Variants in PRPF6 observed in about 807,000 individuals in gnomAD.
The protein encoded by PRPF6 is pre-mRNA processing factor 6, also known as pre-mRNA-processing factor 6.
PRPF6 carries 42 observed loss-of-function variants against 118.3 expected under a neutral mutation model. That is an observed-to-expected ratio of 0.35 (90% CI 0.28 to 0.46). The LOEUF (loss-of-function observed/expected upper bound fraction) is 0.46. Ranked by LOEUF, PRPF6 falls within the 20% of genes least tolerant of loss-of-function variation. The pLI is 1.00. For missense variants in PRPF6, 662 were observed against 1,255.7 expected (o/e 0.53, Z 7.15); for synonymous variants, 481 against 485.1 (o/e 0.99, Z 0.11).
chr20:64,023,796 C>T (rs1411569104), intron 13 of PRPF6, among the ~76,000 whole-genome samples: 1 of 152,142 alleles, frequency 6.6e-6, no homozygotes, highest in Non-Finnish European at 1.5e-5. Flanking sequence ...TCTCTCGGCC[C>T]GTGACCTGAA....
chr20:64,009,279 C>CA (rs59045216), intron 9 of PRPF6, among the ~76,000 whole-genome samples: 2,203 of 37,572 alleles, frequency 0.059, 82 homozygotes, highest in African/African-American at 0.081. Flanking sequence ...GACTCCATCG[C>CA]AAAAAAAAAA....
chr20:64,028,825 A>G lies in PRPF6; in HGVS notation c.2431+256A>G, dbSNP rs2059302886. On this transcript the variant is annotated intron_variant, in intron 18 of 20. Transcript: ENST00000266079. The surrounding 1 kb of genome is among the most constrained non-coding windows in gnomAD (Gnocchi z 6.5). ...CTTGGCCTCAAAATGGGAGAATTTG[A>G]TTTCATTTCTGAAGTGTTATCATTT... is the stretch of plus-strand genomic sequence containing the variant. Among the ~76,000 whole-genome samples, 1 of 152,204 alleles carries G rather than the reference A, an allele frequency of 6.6e-6. No individual in the cohort carries two copies. Among genetic ancestry groups the G allele is most frequent in the Non-Finnish European group, 1.5e-5 (1 of 68,028 alleles).
chr20:64,029,826 C>G lies in PRPF6; in HGVS notation c.2546+335C>G. 6.8e-6 allele frequency among the ~76,000 whole-genome samples: 1 copy of G among 147,158 alleles called. No individual in the cohort carries two copies. The highest frequency in any genetic ancestry group is 1.5e-5 in the Non-Finnish European group (1 of 65,878). On this transcript the variant is annotated intron_variant, in intron 19 of 20. Coordinates refer to ENST00000266079, the MANE Select transcript of PRPF6 (RefSeq NM_012469.4). This position sits in a 1 kb window ranked among gnomAD's most constrained non-coding sequence, Gnocchi z 4.8. ...TCACCGGGGACGCATGTGATTCACA[C>G]TGGTGCTCTGGTCGCCGGGTCAGAG...
At chr20:63,986,302 A>G (rs817358) in intron 3 of PRPF6, among the ~76,000 whole-genome samples, 75,053 of 143,580 alleles carry the variant, frequency 0.52, 20,500 homozygotes, top group African/African-American at 0.61. Context: ...CCGAGGTCAC[A>G]ACACTGCACT....
Position 64,028,909 on chromosome 20 carries a change from T to A in PRPF6, c.2431+340T>A, listed in dbSNP as rs1220825164. 6.6e-6 allele frequency among the ~76,000 whole-genome samples: 1 copy of A among 152,182 alleles called. No homozygotes were observed. Among genetic ancestry groups the A allele is most frequent in the Non-Finnish European group, 1.5e-5 (1 of 68,038 alleles). On this transcript the variant is annotated intron_variant, in intron 18 of 20. Transcript: ENST00000266079. This position sits in a 1 kb window ranked among gnomAD's most constrained non-coding sequence, Gnocchi z 6.5. Reference sequence around the variant, plus strand: ...GGTGTGGTGGCTCATGCCTGTAATCTCAGCACTTTGAGAGACTGAGGCGGG... The same window carrying A: ...GGTGTGGTGGCTCATGCCTGTAATCACAGCACTTTGAGAGACTGAGGCGGG...
intron 8 of PRPF6, 54 bp downstream of exon 8, chr20:63,999,813 A>G (rs2059158583): frequency 1.3e-6 from 2 of 1,594,762 alleles, no homozygotes; most frequent in African/African-American, 2.7e-5. Flanking sequence ...TGTGGCCCCT[A>G]CGGGAGTAAA....
intron 13 of PRPF6, among the ~76,000 whole-genome samples, chr20:64,023,185 C>T (rs910026737): frequency 2.0e-5 from 3 of 152,244 alleles, no homozygotes; most frequent in African/African-American, 7.2e-5. Context: ...CTGGAGCCCG[C>T]GTGGCCCATG....
intron 19 of PRPF6, among the ~76,000 whole-genome samples, chr20:64,030,011 A>T (rs1288080317): frequency 6.6e-6 from 1 of 152,140 alleles, no homozygotes; most frequent in East Asian, 1.9e-4. Context: ...TGGGTCAGAG[A>T]CTCACTGGGG....
chr20:63,986,610 T>C (rs2059094682), intron 3 of PRPF6, among the ~76,000 whole-genome samples: 1 of 149,656 alleles, frequency 6.7e-6, no homozygotes, highest in Non-Finnish European at 1.5e-5. Flanking sequence ...TGCCTCAGCC[T>C]CCTGAGTAGC....
chr20:64,032,704 A>G, intron 20 of PRPF6, 137 bp from the exon 21 acceptor site: 2 of 1,119,370 alleles, frequency 1.8e-6, no homozygotes, highest in Non-Finnish European at 2.6e-6. Context: ...CTTCCGGTGC[A>G]GGGCCTGTGC....
intron 9 of PRPF6, 35 bp downstream of exon 9, chr20:64,001,274 C>T: frequency 6.2e-7 from 1 of 1,612,452 alleles, no homozygotes. Flanking sequence ...TTTCTCCCTC[C>T]TTGGGGCCCC....
In PRPF6 at chr20:64,028,686, G is replaced by C; in HGVS notation, c.2431+117G>C. On this transcript the variant is annotated intron_variant, in intron 18 of 20. Transcript: ENST00000266079. The surrounding 1 kb of genome is among the most constrained non-coding windows in gnomAD (Gnocchi z 6.5). ...AGACTCCGCAGGGCTGGCACTTCCT[G>C]AGGGAGTGGGGGCTCAGGCTTCAGA... 2.8e-6 allele frequency: 3 copies of C among 1,070,914 alleles called. No homozygotes were observed. The highest frequency in any genetic ancestry group is 4.1e-6 in the Non-Finnish European group (3 of 723,260). The allele number at this position is 1,070,914 out of a possible 1,614,324, so 66.3% of individuals were successfully genotyped here.
At chr20:64,015,124 T>C (rs1289534332) in intron 11 of PRPF6, among the ~76,000 whole-genome samples, 1 of 152,260 alleles carries the variant, frequency 6.6e-6, no homozygotes, top group Non-Finnish European at 1.5e-5. Context: ...ATTCTGGATA[T>C]ATTGTCACTT....
chr20:64,008,567 AC>A (rs1185873422), intron 9 of PRPF6, among the ~76,000 whole-genome samples: 1 of 152,096 alleles, frequency 6.6e-6, no homozygotes, highest in Non-Finnish European at 1.5e-5. Flanking sequence ...GTGGCTGGTG[AC>A]CCGTGCCCGC....
At chr20:64,010,684 G>T (rs185079416) in intron 10 of PRPF6, among the ~76,000 whole-genome samples, 6 of 152,296 alleles carry the variant, frequency 3.9e-5, no homozygotes, top group Admixed American at 1.3e-4. Flanking sequence ...TGTCAGCTCC[G>T]CATGACTGCT....
intron 20 of PRPF6, 143 bp from the exon 21 acceptor site, chr20:64,032,698 C>T (rs1277738272): frequency 2.7e-5 from 28 of 1,051,124 alleles, no homozygotes; most frequent in South Asian, 1.3e-4. Context: ...CCTTGCCTTC[C>T]GGTGCAGGGC....
rs759112681 is a variant in PRPF6, at chr20:64,028,613, G to A, written c.2431+44G>A. 2.2e-5 allele frequency: 35 copies of A among 1,599,372 alleles called. No individual in the cohort carries two copies. The Admixed American group carries it at 2.7e-4, about 12-fold the overall frequency. On this transcript the variant is annotated intron_variant, in intron 18 of 20. Transcript: ENST00000266079. The surrounding 1 kb of genome is among the most constrained non-coding windows in gnomAD (Gnocchi z 6.5). ...TCCGGTAAGGGGGTGCCCTGACTCC[G>A]GTAAGGGGGTGCCTTGACTCCGGTA...
chr20:64,017,458 C>G (rs1260113944), intron 12 of PRPF6, among the ~76,000 whole-genome samples: 1 of 143,538 alleles, frequency 7.0e-6, no homozygotes, highest in South Asian at 2.2e-4. Context: ...CCGCCCTGCC[C>G]GGCCTCCCAG....
chr20:63,989,404 C>T lies in PRPF6; in HGVS notation c.360-4003C>T, dbSNP rs559452557. Among the ~76,000 whole-genome samples, 8 of 151,942 alleles carry T rather than the reference C, an allele frequency of 5.3e-5. No homozygotes were observed. The South Asian group carries it at 1.7e-3, about 32-fold the overall frequency. ...GCTCCCGTGAGCCAAGAGTGCGCTACTGCACTCCAGCCTGGGCCACAGAGA... is the reference window on the plus strand; with the variant it reads ...GCTCCCGTGAGCCAAGAGTGCGCTATTGCACTCCAGCCTGGGCCACAGAGA... On this transcript the variant is annotated intron_variant, in intron 3 of 20. Transcript: ENST00000266079.
Sources: allele counts gnomAD v4.1 joint callset (sites outside exome capture counted in the v4.1 genomes callset), GRCh38; gene constraint gnomAD v4.1.1; non-coding constraint Gnocchi (gnomAD v3.1); transcripts MANE v1.5; gene names NCBI Gene and HGNC (gene_info 2026-07-23, HGNC 2026-07-21).